The following RASSF9 variants were observed in gnomAD, a reference collection of about 807,000 sequenced individuals.
The protein encoded by RASSF9 is Ras association domain family member 9, also known as ras association domain-containing protein 9.
In RASSF9, 18 loss-of-function variants were observed where a neutral mutation model predicts 21.4. The observed-to-expected ratio is 0.84, with a 90% CI of 0.58 to 1.25. RASSF9 has a LOEUF of 1.25. Ranked by LOEUF, RASSF9 falls within the 50% of genes most tolerant of loss-of-function variation. The pLI, the probability that RASSF9 is intolerant of heterozygous loss-of-function variation, is 0.00. For synonymous variants in RASSF9, 183 were observed against 179.1 expected (o/e 1.02, Z -0.18); for missense variants, 480 against 503.2 (o/e 0.95, Z 0.44).
intron 1 of RASSF9, among the ~76,000 whole-genome samples, chr12:85,821,387 T>G (rs1476454585): frequency 6.6e-6 from 1 of 152,160 alleles, no homozygotes; most frequent in Non-Finnish European, 1.5e-5. Context: ...TAGGGAGAGA[T>G]AAACACAGAA....
At chr12:85,821,800 AG>A (rs754489607) in intron 1 of RASSF9, among the ~76,000 whole-genome samples, 28 of 152,202 alleles carry the variant, frequency 1.8e-4, no homozygotes, top group Admixed American at 2.6e-4. Context: ...GGGTAGCTAT[AG>A]AACATAATTC....
intron 1 of RASSF9, among the ~76,000 whole-genome samples, chr12:85,833,737 A>T (rs895564623): frequency 6.6e-6 from 1 of 151,908 alleles, no homozygotes; most frequent in African/African-American, 2.4e-5. Flanking sequence ...GTTTTTTGTT[A>T]TTGTTGTCTG....
At position 85,805,155 on chromosome 12, in the gene RASSF9, A is replaced by G; in HGVS notation, c.855T>C (p.Ala285=). ...YYRILIDKLS[A]EIEKEVKSVC... Reference sequence around the variant, plus strand: ...CACTTTTTACCTCTTTTTCTATTTCAGCAGAGAGCTTATCAATGAGTATTC... The same window carrying G: ...CACTTTTTACCTCTTTTTCTATTTCGGCAGAGAGCTTATCAATGAGTATTC... The change falls in exon 2 of 2, where the codon GCT becomes GCC. Residue 285 remains alanine (A), a synonymous_variant. Transcript: ENST00000361228. The G allele has an allele frequency of 6.2e-7, 1 of 1,613,876 alleles. No homozygotes were observed. The highest frequency in any genetic ancestry group is 8.5e-7 in the Non-Finnish European group (1 of 1,179,892).
chr12:85,813,502 A>T (rs998140960), intron 1 of RASSF9, among the ~76,000 whole-genome samples: 2 of 151,924 alleles, frequency 1.3e-5, no homozygotes, highest in African/African-American at 4.8e-5. Context: ...TTGTAACATC[A>T]AATTGGAGAT....
intron 1 of RASSF9, among the ~76,000 whole-genome samples, chr12:85,808,255 A>G (rs996401824): frequency 3.3e-5 from 5 of 152,142 alleles, no homozygotes; most frequent in African/African-American, 9.6e-5. Flanking sequence ...GCCAAGTAAC[A>G]CTAAAGATTA....
intron 1 of RASSF9, among the ~76,000 whole-genome samples, chr12:85,821,866 T>C (rs890287387): frequency 1.3e-5 from 2 of 152,136 alleles, no homozygotes; most frequent in Non-Finnish European, 2.9e-5. Context: ...TGGAAACTAC[T>C]TGGGGTTAAG....
chr12:85,801,616 TC>T lies in RASSF9; in HGVS notation c.*3085del. The T allele has an allele frequency of 6.6e-6, 1 of 152,446 alleles. No homozygotes were observed. The highest frequency in any genetic ancestry group is 1.9e-4 in the East Asian group (1 of 5,174). 9.4% of individuals were successfully genotyped at this position (152,446 alleles called of 1,614,324 possible). A position where few individuals can be genotyped will look rare whatever the true frequency, so the allele number is the denominator to read the frequency against. On this transcript the variant is annotated 3_prime_UTR_variant, in exon 2 of 2. Transcript: ENST00000361228. ...TCACAAGGTCAGGACATCGAGACCATCCTGGCTAACACGGTGAAACCCCGTC... is the reference window on the plus strand; with the variant it reads ...TCACAAGGTCAGGACATCGAGACCATCTGGCTAACACGGTGAAACCCCGTC...
intron 1 of RASSF9, among the ~76,000 whole-genome samples, chr12:85,813,335 A>C (rs1322161917): frequency 6.6e-6 from 1 of 151,968 alleles, no homozygotes; most frequent in East Asian, 1.9e-4. Context: ...TAACATAAAA[A>C]ATTACACAGA....
intron 1 of RASSF9, among the ~76,000 whole-genome samples, chr12:85,832,147 T>C (rs779857433): frequency 2.6e-5 from 4 of 151,912 alleles, no homozygotes; most frequent in Non-Finnish European, 5.9e-5. Flanking sequence ...GAAAACTAAA[T>C]AGCACTTCAA....
intron 1 of RASSF9, among the ~76,000 whole-genome samples, chr12:85,808,542 T>G (rs1334752540): frequency 1.3e-5 from 2 of 152,058 alleles, no homozygotes; most frequent in Non-Finnish European, 2.9e-5. Context: ...AGTAGAGATA[T>G]AAGACACAAA....
chr12:85,802,104 T>G lies in RASSF9; in HGVS notation c.*2598A>C, dbSNP rs1407643839. The stretch of plus-strand genomic sequence containing the variant: ...TGAATCTAGGTCCTGTTACAGAAAT[T>G]AAGAATAGTCAGCTTTGGTTTGTTT... On this transcript the variant is annotated 3_prime_UTR_variant, in exon 2 of 2. Coordinates refer to ENST00000361228, the MANE Select transcript of RASSF9 (RefSeq NM_005447.4). 1 of 152,186 alleles carries G rather than the reference T, an allele frequency of 6.6e-6. No homozygotes were observed. Among genetic ancestry groups the G allele is most frequent in the Admixed American group, 6.5e-5 (1 of 15,284 alleles). The allele number at this position is 152,186 out of a possible 1,614,324, so 9.4% of individuals were successfully genotyped here.
chr12:85,805,398 C>A lies in RASSF9; in HGVS notation c.612G>T (p.Met204Ile). ...TTTCAATTTCCAGATCCAGCTCTTT[C>A]ATTCTCTTGACTTGCTGATGAATAG... ...DHTIHQQVKR[M>I]KELDLEIEKC... is the part of the protein sequence containing the mutation. The change falls in exon 2 of 2, where the codon ATG becomes ATT. Residue 204 changes from methionine to isoleucine, a missense_variant. Transcript: ENST00000361228. The A allele has an allele frequency of 6.2e-7, 1 of 1,613,702 alleles. No homozygotes were observed. The highest frequency in any genetic ancestry group is 8.5e-7 in the Non-Finnish European group (1 of 1,179,788).
At chr12:85,833,710 G>A (rs1218991900) in intron 1 of RASSF9, among the ~76,000 whole-genome samples, 5 of 151,896 alleles carry the variant, frequency 3.3e-5, no homozygotes, top group Non-Finnish European at 7.4e-5. Context: ...TGATAAAGAT[G>A]CAATTATGCT....
At chr12:85,823,177 G>A (rs1340277590) in intron 1 of RASSF9, among the ~76,000 whole-genome samples, 1 of 148,004 alleles carries the variant, frequency 6.8e-6, no homozygotes, top group Non-Finnish European at 1.5e-5. Context: ...TCCAGCCTGG[G>A]CGACAGAGCA....
chr12:85,825,379 G>C (rs1880310453), intron 1 of RASSF9, among the ~76,000 whole-genome samples: 1 of 152,056 alleles, frequency 6.6e-6, no homozygotes, highest in Admixed American at 6.6e-5. Flanking sequence ...TGAGAAGGGG[G>C]AGTTTTAGGG....
intron 1 of RASSF9, among the ~76,000 whole-genome samples, chr12:85,831,031 T>C (rs1880439171): frequency 6.6e-6 from 1 of 152,088 alleles, no homozygotes; most frequent in Non-Finnish European, 1.5e-5. Flanking sequence ...GACATATGCA[T>C]GGTGCAGATA....
chr12:85,810,923 G>GCTT (rs57251000), intron 1 of RASSF9, among the ~76,000 whole-genome samples: 9,299 of 146,572 alleles, frequency 0.063, 328 homozygotes, highest in Non-Finnish European at 0.081. Flanking sequence ...GTTTTACTTT[G>GCTT]TGTGTGTGTG....
At chr12:85,828,809 C>T (rs1880390215) in intron 1 of RASSF9, among the ~76,000 whole-genome samples, 1 of 152,052 alleles carries the variant, frequency 6.6e-6, no homozygotes, top group African/African-American at 2.4e-5. Flanking sequence ...AAAGATGAAA[C>T]CTCAAAATTC....
intron 1 of RASSF9, among the ~76,000 whole-genome samples, chr12:85,814,026 C>G (rs59277152): frequency 6.6e-6 from 1 of 152,070 alleles, no homozygotes; most frequent in African/African-American, 2.4e-5. Flanking sequence ...AACAAGACTT[C>G]GTGCTTGAAA....
Sources: gnomAD v4.1 joint callset for allele counts (sites outside exome capture counted in the v4.1 genomes callset) on GRCh38, gnomAD v4.1.1 for gene constraint, MANE v1.5 for transcripts, NCBI Gene and HGNC (gene_info 2026-07-23, HGNC 2026-07-21) for gene names.